Variants in ARAP2 observed in about 807,000 individuals in gnomAD.
The protein encoded by ARAP2 is ArfGAP with RhoGAP domain, ankyrin repeat and PH domain 2, also known as arf-GAP with Rho-GAP domain, ANK repeat and PH domain-containing protein 2.
In ARAP2, 148 loss-of-function variants were observed where a neutral mutation model predicts 194.5. That is an observed-to-expected ratio of 0.76 (90% confidence interval 0.67 to 0.87). The LOEUF is 0.87. ARAP2 is among the 40% of genes least tolerant of loss of function. The probability of loss-of-function intolerance (pLI) is 0.00; values close to 1 mark genes in which losing one functional copy is unlikely to be tolerated. For synonymous variants in ARAP2, 695 were observed against 683.5 expected (o/e 1.02, Z -0.26); for missense variants, 2,128 against 1,989.7 (o/e 1.07, Z -1.32).
At chr4:36,095,343 A>T (rs1233531138) in intron 27 of ARAP2, among the ~76,000 whole-genome samples, 5 of 152,024 alleles carry the variant, frequency 3.3e-5, no homozygotes, top group African/African-American at 1.2e-4. Flanking sequence ...TGTTTCTGGG[A>T]TTCCTATTCT....
At position 36,163,730 on chromosome 4, in the gene ARAP2, G is replaced by A. The variant is rs147400134; in HGVS notation, c.2173+1184C>T. 2.8e-3 allele frequency among the ~76,000 whole-genome samples: 425 copies of A among 151,934 alleles called. 5 individuals are homozygous for A. The highest frequency in any genetic ancestry group is 0.016 in the South Asian group (78 of 4,808). ...TTACATAAGAGAGTGAATAAATGAC[G>A]AACATGTATCCTAAGGAGGGAAGAA... On this transcript the variant is annotated intron_variant, in intron 11 of 32. Transcript: ENST00000303965.
intron 26 of ARAP2, among the ~76,000 whole-genome samples, chr4:36,113,570 G>A (rs1039043364): frequency 5.9e-5 from 9 of 151,946 alleles, no homozygotes; most frequent in African/African-American, 2.2e-4. Context: ...CTAGACAGAT[G>A]GTGAAGGTAC....
Position 36,143,689 on chromosome 4 carries a change from G to A in ARAP2, c.3263+3607C>T, listed in dbSNP as rs900109907. Among the ~76,000 whole-genome samples, 4 of 151,730 alleles carry A rather than the reference G, an allele frequency of 2.6e-5. No individual in the cohort carries two copies. In the Admixed American group the frequency reaches 2.6e-4, roughly 10 times the overall value. ...CAGAAGCATGTGATAATATAATTGC[G>A]TTTAAATGGTGGGGATGGTACATTA... is the stretch of plus-strand genomic sequence containing the variant. On this transcript the variant is annotated intron_variant, in intron 19 of 32. Transcript: ENST00000303965.
chr4:36,062,633 A>AGTGTGTGTGTGT (rs10641822), downstream of ARAP2, among the ~76,000 whole-genome samples: 5 of 148,262 alleles, frequency 3.4e-5, no homozygotes, highest in African/African-American at 1.2e-4. Context: ...TTTGTGTGAG[A>AGTGTGTGTGTGT]GTGTGTGTGT....
At chr4:36,095,113 C>G (rs151241666) in intron 27 of ARAP2, among the ~76,000 whole-genome samples, 10 of 152,162 alleles carry the variant, frequency 6.6e-5, no homozygotes, top group Non-Finnish European at 1.5e-4. Context: ...CAGGAAAACT[C>G]TGGCTTATGT....
At chr4:36,091,315 A>G (rs985430913) in intron 28 of ARAP2, among the ~76,000 whole-genome samples, 72 of 152,242 alleles carry the variant, frequency 4.7e-4, no homozygotes, top group African/African-American at 1.6e-3. Flanking sequence ...TTATAGCTAC[A>G]TCATTTATCT....
In ARAP2 at chr4:36,112,490, T is replaced by C. The variant is rs544051115; in HGVS notation, c.4156+1680A>G. On this transcript the variant is annotated intron_variant, in intron 26 of 32. Coordinates refer to ENST00000303965, the MANE Select transcript of ARAP2 (RefSeq NM_015230.4). ...AATTTGTAATGTGGAAAGATATTTC[T>C]GGCAATAATGCTGACAGTTAATCTT... is the stretch of plus-strand genomic sequence containing the variant. Among the ~76,000 whole-genome samples the C allele has an allele frequency of 1.2e-3, 185 of 152,048 alleles. 1 individual carries two copies. Among genetic ancestry groups the C allele is most frequent in the African/African-American group, 4.0e-3 (168 of 41,534 alleles).
At chr4:36,231,332 C>A (rs1199502677) in intron 1 of ARAP2, among the ~76,000 whole-genome samples, 2 of 146,248 alleles carry the variant, frequency 1.4e-5, no homozygotes, top group African/African-American at 2.5e-5. Flanking sequence ...GAGACTTCAT[C>A]TCAAAAATAA....
At chr4:36,128,997 C>G (rs968922696) in intron 20 of ARAP2, among the ~76,000 whole-genome samples, 1 of 151,942 alleles carries the variant, frequency 6.6e-6, no homozygotes, top group Non-Finnish European at 1.5e-5. Flanking sequence ...CTCCAGCTCT[C>G]CATAGTATCT....
intron 19 of ARAP2, among the ~76,000 whole-genome samples, chr4:36,137,280 G>C (rs1261287766): frequency 6.6e-6 from 1 of 151,764 alleles, no homozygotes; most frequent in South Asian, 2.1e-4. Flanking sequence ...ATTTAGCCAA[G>C]CATTGCAAAA....
chr4:36,089,849 A>G (rs1329960216), intron 28 of ARAP2, among the ~76,000 whole-genome samples: 1 of 151,968 alleles, frequency 6.6e-6, no homozygotes, highest in Non-Finnish European at 1.5e-5. Flanking sequence ...GATATATGTT[A>G]ATTAACACAT....
intron 1 of ARAP2, among the ~76,000 whole-genome samples, chr4:36,238,772 G>C: frequency 6.6e-6 from 1 of 152,122 alleles, no homozygotes; most frequent in Admixed American, 6.5e-5. Context: ...TGGTAATGTA[G>C]AATTTAGTCT....
intron 32 of ARAP2, among the ~76,000 whole-genome samples, chr4:36,072,702 C>G (rs1030547367): frequency 3.3e-5 from 4 of 122,858 alleles, no homozygotes; most frequent in Non-Finnish European, 7.1e-5. Context: ...AAAAAAAAAA[C>G]TAGGTACAGA....
At chr4:36,107,814 A>G (rs1718809544) in intron 26 of ARAP2, 121 bp from the exon 27 acceptor site, 1 of 873,884 alleles carries the variant, frequency 1.1e-6, no homozygotes, top group East Asian at 3.1e-5. Context: ...ATACACAATC[A>G]TATCTTATGT....
chr4:36,128,391 T>C, intron 21 of ARAP2, 142 bp downstream of exon 21: 2 of 618,124 alleles, frequency 3.2e-6, no homozygotes, highest in South Asian at 2.4e-5. Context: ...ATTATGTACA[T>C]TGTTTCTTTC....
intron 5 of ARAP2, among the ~76,000 whole-genome samples, chr4:36,025,405 T>A (rs956603974): frequency 6.6e-6 from 1 of 152,212 alleles, no homozygotes. Context: ...CCAATTAGGA[T>A]GTGAAACCTG....
chr4:36,208,562 A>G (rs1005224211), intron 6 of ARAP2, among the ~76,000 whole-genome samples: 5 of 152,194 alleles, frequency 3.3e-5, no homozygotes, highest in African/African-American at 1.2e-4. Context: ...GAAACTCAGC[A>G]ACCACTGCAT....
chr4:36,185,453 C>G (rs1740312274), intron 8 of ARAP2, among the ~76,000 whole-genome samples: 1 of 152,054 alleles, frequency 6.6e-6, no homozygotes, highest in Non-Finnish European at 1.5e-5. Context: ...ACAGTTTGAA[C>G]AAAGCTGCTC....
At chr4:36,040,366 T>G (rs1720644648) in intron 5 of ARAP2, among the ~76,000 whole-genome samples, 1 of 152,196 alleles carries the variant, frequency 6.6e-6, no homozygotes, top group African/African-American at 2.4e-5. Context: ...AGAAAGAATC[T>G]AGTTCTGTGA....
Sources: gnomAD v4.1 joint callset for allele counts (sites outside exome capture counted in the v4.1 genomes callset) on GRCh38, gnomAD v4.1.1 for gene constraint, MANE v1.5 for transcripts, NCBI Gene and HGNC (gene_info 2026-07-23, HGNC 2026-07-21) for gene names.